LHFPL3: variants seen among roughly 807,000 people sequenced by gnomAD.
LHFPL3 encodes the protein LHFPL tetraspan subfamily member 3 protein.
Under a neutral mutation model 19.3 loss-of-function variants are expected in LHFPL3, and 5 were observed. The observed-to-expected ratio is 0.26, with a 90% CI of 0.14 to 0.54. LHFPL3 has a LOEUF of 0.54. Among genes scored for constraint, LHFPL3 ranks in the 20% least tolerant of loss-of-function variants. The pLI is 0.94. For missense variants in LHFPL3, 249 were observed against 307.4 expected, an observed-to-expected ratio of 0.81 and a Z score of 1.42; for synonymous variants, 133 against 126.2, an observed-to-expected ratio of 1.05 and a Z score of -0.36.
intron 1 of LHFPL3, among the ~76,000 whole-genome samples, chr7:104,607,699 A>C (rs951945952): frequency 5.9e-5 from 9 of 152,174 alleles, no homozygotes; most frequent in African/African-American, 2.2e-4. Context: ...CTACCGTCAG[A>C]GTGAATAGGC....
In LHFPL3 at chr7:104,492,031, G is replaced by C. The variant is rs1035157655; in HGVS notation, c.445+162807G>C. On this transcript the variant is annotated intron_variant, in intron 1 of 2. Transcript: ENST00000424859. ...TGTGTGCATATACAAGTGTTGTAAG[G>C]TTTGTGTGGAGATCATTAATTTGGG... is the stretch of plus-strand genomic sequence containing the variant. Among the ~76,000 whole-genome samples, 10 of 152,168 alleles carry C rather than the reference G, an allele frequency of 6.6e-5. 1 individual carries two copies. The East Asian group carries it at 1.3e-3, about 21-fold the overall frequency.
chr7:104,593,548 A>G (rs887879241), intron 1 of LHFPL3, among the ~76,000 whole-genome samples: 3 of 152,158 alleles, frequency 2.0e-5, no homozygotes, highest in Admixed American at 1.3e-4. Context: ...GTAGATGTCT[A>G]TTAGGTCTGC....
At chr7:104,668,723 C>A in intron 1 of LHFPL3, 4 of 1,577,610 alleles carry the variant, frequency 2.5e-6, no homozygotes, top group Admixed American at 3.4e-5. Flanking sequence ...GAGGTCCCCC[C>A]CCCCCCAAAG....
intron 2 of LHFPL3, among the ~76,000 whole-genome samples, chr7:104,790,212 G>T (rs988811487): frequency 2.0e-5 from 3 of 152,114 alleles, no homozygotes; most frequent in African/African-American, 7.2e-5. Context: ...AAGGGATGGG[G>T]GTCCTCATAG....
chr7:104,640,012 T>C (rs753506176), intron 1 of LHFPL3, among the ~76,000 whole-genome samples: 5 of 152,166 alleles, frequency 3.3e-5, no homozygotes, highest in Non-Finnish European at 5.9e-5. Flanking sequence ...TGTCATGTCA[T>C]CTCCCTTTTC....
chr7:104,594,745 G>GT (rs1486244574), intron 1 of LHFPL3, among the ~76,000 whole-genome samples: 4 of 152,016 alleles, frequency 2.6e-5, no homozygotes, highest in South Asian at 2.1e-4. Context: ...CCTTTTTCCT[G>GT]TTTTTTCTCT....
intron 2 of LHFPL3, among the ~76,000 whole-genome samples, chr7:104,746,692 C>T (rs1342449243): frequency 6.6e-6 from 1 of 152,142 alleles, no homozygotes; most frequent in Non-Finnish European, 1.5e-5. Flanking sequence ...TTTGGGCAAA[C>T]TTAAGTGTCT....
intron 1 of LHFPL3, chr7:104,667,944 C>G: frequency 1.2e-6 from 2 of 1,613,338 alleles, no homozygotes; most frequent in Middle Eastern, 3.6e-4. Flanking sequence ...GTACAGGGCG[C>G]CTCCAATTGA....
chr7:104,461,299 AT>A (rs761781472), intron 1 of LHFPL3, among the ~76,000 whole-genome samples: 5 of 152,174 alleles, frequency 3.3e-5, no homozygotes, highest in Admixed American at 6.6e-5. Flanking sequence ...CCCTTGAGAC[AT>A]GGGGATTATT....
chr7:104,606,224 C>T (rs1364819320), intron 1 of LHFPL3, among the ~76,000 whole-genome samples: 1 of 152,160 alleles, frequency 6.6e-6, no homozygotes, highest in African/African-American at 2.4e-5. Flanking sequence ...CGACCACACC[C>T]CATCATCATG....
intron 1 of LHFPL3, among the ~76,000 whole-genome samples, chr7:104,556,021 C>G (rs1794757162): frequency 6.6e-6 from 1 of 152,216 alleles, no homozygotes; most frequent in South Asian, 2.1e-4. Flanking sequence ...CACACTGATG[C>G]AAGAGGTGGG....
intron 1 of LHFPL3, among the ~76,000 whole-genome samples, chr7:104,670,902 C>T (rs185239298): frequency 1.5e-4 from 23 of 148,646 alleles, no homozygotes; most frequent in African/African-American, 1.2e-4. Flanking sequence ...AGAGAATAAA[C>T]GGAAATGGAG....
At chr7:104,477,302 T>C (rs1330689619) in intron 1 of LHFPL3, among the ~76,000 whole-genome samples, 1 of 152,180 alleles carries the variant, frequency 6.6e-6, no homozygotes, top group African/African-American at 2.4e-5. Context: ...AAGAACATAA[T>C]TCTTGATAGG....
intron 2 of LHFPL3, among the ~76,000 whole-genome samples, chr7:104,749,951 C>A (rs1388844474): frequency 6.6e-6 from 1 of 152,156 alleles, no homozygotes; most frequent in Non-Finnish European, 1.5e-5. Flanking sequence ...TCATTTTTCC[C>A]TAGTCCCTTT....
chr7:104,730,860 A>G (rs930101154), intron 1 of LHFPL3, among the ~76,000 whole-genome samples: 1 of 152,148 alleles, frequency 6.6e-6, no homozygotes, highest in African/African-American at 2.4e-5. Flanking sequence ...GTTTTCTTCT[A>G]GGGTTTTTAT....
chr7:104,733,928 A>T (rs535809216), intron 1 of LHFPL3, among the ~76,000 whole-genome samples: 3 of 152,130 alleles, frequency 2.0e-5, no homozygotes, highest in African/African-American at 7.2e-5. Context: ...TGGTGACAAA[A>T]TCTCTCAGCA....
chr7:104,449,835 A>G (rs903797490), intron 1 of LHFPL3, among the ~76,000 whole-genome samples: 2 of 152,154 alleles, frequency 1.3e-5, no homozygotes, highest in African/African-American at 4.8e-5. Flanking sequence ...TCTCTTCCCA[A>G]AAAATGCTGA....
At chr7:104,456,635 A>G (rs1792545993) in intron 1 of LHFPL3, among the ~76,000 whole-genome samples, 1 of 152,194 alleles carries the variant, frequency 6.6e-6, no homozygotes, top group Non-Finnish European at 1.5e-5. Context: ...CACTTAAATG[A>G]CGCACTTCAT....
chr7:104,893,436 C>T (rs1584602187), intron 2 of LHFPL3, among the ~76,000 whole-genome samples: 3 of 151,820 alleles, frequency 2.0e-5, no homozygotes, highest in East Asian at 1.9e-4. Flanking sequence ...ATCGCTTGAA[C>T]CTAGGAGGCT....
Sources: allele counts gnomAD v4.1 joint callset (sites outside exome capture counted in the v4.1 genomes callset), GRCh38; gene constraint gnomAD v4.1.1; transcripts MANE v1.5; gene names NCBI Gene and HGNC (gene_info 2026-07-23, HGNC 2026-07-21).